C5AR1: variants seen among roughly 807,000 people sequenced by gnomAD.
C5AR1 encodes the protein complement C5a receptor 1.
A neutral mutation model predicts 2.4 loss-of-function variants in C5AR1; 4 were observed. The ratio of observed to expected loss-of-function variants is 1.65; its 90% CI spans 0.81 to 3.77. The LOEUF (loss-of-function observed/expected upper bound fraction) is 3.77, where lower values mean the gene tolerates loss of function less well. Ranked by LOEUF, C5AR1 falls within the 30% of genes most tolerant of loss-of-function variation. The pLI, the probability that C5AR1 is intolerant of heterozygous loss-of-function variation, is 0.01. For synonymous variants in C5AR1, 209 were observed against 210.4 expected (o/e 0.99, Z 0.06); for missense variants, 418 against 462.5 (o/e 0.90, Z 0.88).
chr19:47,316,928 A>G (rs2122136838), intron 1 of C5AR1, among the ~76,000 whole-genome samples: 1 of 152,028 alleles, frequency 6.6e-6, no homozygotes, highest in South Asian at 2.1e-4. Flanking sequence ...CTGTAATCTC[A>G]GCACTTTGGG....
chr19:47,309,125 G>A (rs528901244), upstream of C5AR1, among the ~76,000 whole-genome samples: 6 of 152,226 alleles, frequency 3.9e-5, no homozygotes, highest in East Asian at 1.9e-4. Flanking sequence ...GGCTACCTCC[G>A]CAGACTAGCT....
intron 1 of C5AR1, among the ~76,000 whole-genome samples, chr19:47,311,669 A>G (rs965075450): frequency 1.1e-4 from 17 of 152,012 alleles, no homozygotes. Flanking sequence ...GCTTCAAGCA[A>G]TTCTCCTGCC....
At chr19:47,319,465 C>T (rs1475681835) in intron 1 of C5AR1, among the ~76,000 whole-genome samples, 1 of 151,750 alleles carries the variant, frequency 6.6e-6, no homozygotes, top group African/African-American at 2.4e-5. Context: ...AGTGCAACCA[C>T]GCCTGGCTAA....
At position 47,321,758 on chromosome 19, in the gene C5AR1, C is replaced by T. The variant is rs2059311662; in HGVS notation, c.*928C>T. The T allele has an allele frequency of 6.6e-6, 1 of 152,136 alleles. No individual in the cohort carries two copies. The highest frequency in any genetic ancestry group is 1.9e-4 in the East Asian group (1 of 5,202). 9.4% of individuals were successfully genotyped at this position (152,136 alleles called of 1,614,324 possible). On this transcript the variant is annotated 3_prime_UTR_variant, in exon 2 of 2. Coordinates refer to ENST00000355085, the MANE Select transcript of C5AR1 (RefSeq NM_001736.4). ...ACAGAGGGATCTTGTGTACCCTTCA[C>T]CCAGCCTCCCCCAATGGCAACATCT...
At chr19:47,309,589 AAATG>A (rs1418215046), upstream of C5AR1, among the ~76,000 whole-genome samples, 4 of 151,562 alleles carry the variant, frequency 2.6e-5, no homozygotes, top group Non-Finnish European at 4.4e-5. Context: ...AAAAAAAAAA[AAATG>A]AGAGAGAAGA....
upstream of C5AR1, among the ~76,000 whole-genome samples, chr19:47,308,542 T>C (rs1287837503): frequency 1.3e-5 from 2 of 151,776 alleles, no homozygotes; most frequent in African/African-American, 4.8e-5. Context: ...TTTTCTTTTC[T>C]TTTCTTTTTC....
chr19:47,312,567 GTACTC>G (rs1345061741), intron 1 of C5AR1, among the ~76,000 whole-genome samples: 1 of 152,186 alleles, frequency 6.6e-6, no homozygotes, highest in Non-Finnish European at 1.5e-5. Flanking sequence ...GTTTTGTACA[GTACTC>G]TACATCTGGC....
rs2059302195 is a variant in C5AR1 at position 47,319,809 on chromosome 19, A to G, written c.32A>G (p.Tyr11Cys). The G allele has an allele frequency of 3.1e-6, 5 of 1,612,522 alleles. No homozygotes were observed. Among genetic ancestry groups the G allele is most frequent in the East Asian group, 2.2e-5 (1 of 44,864 alleles). Residue 11 changes from tyrosine (Y) to cysteine (C), a missense_variant, in exon 2 of 2, where the codon TAT (tyrosine) becomes TGT (cysteine). Transcript: ENST00000355085. MDSFNYTTPDYGHYDDKDTLD... is the reference protein window; with the variant it reads MDSFNYTTPDCGHYDDKDTLD... Reference sequence around the variant, plus strand: ...TCCTTCAATTATACCACCCCTGATTATGGGCACTATGATGACAAGGATACC... The same window carrying G: ...TCCTTCAATTATACCACCCCTGATTGTGGGCACTATGATGACAAGGATACC...
chr19:47,312,966 A>C (rs558519917), intron 1 of C5AR1, among the ~76,000 whole-genome samples: 1 of 152,020 alleles, frequency 6.6e-6, no homozygotes, highest in Admixed American at 6.6e-5. Flanking sequence ...GTTTGCTTCT[A>C]ATATTTGGTC....
At chr19:47,317,979 CAA>C (rs35762293) in intron 1 of C5AR1, among the ~76,000 whole-genome samples, 6,414 of 134,204 alleles carry the variant, frequency 0.048, 141 homozygotes, top group Middle Eastern at 0.068. Flanking sequence ...GACTCCATCT[CAA>C]AAAAAAAAAA....
At position 47,319,888 on chromosome 19, in the gene C5AR1, C is replaced by T; in HGVS notation, c.111C>T (p.Asp37=). 1.2e-6 allele frequency: 2 copies of T among 1,614,240 alleles called. No homozygotes were observed. The highest frequency in any genetic ancestry group is 8.5e-7 in the Non-Finnish European group (1 of 1,180,028). Reference sequence around the variant, plus strand: ...CTTCTAACACGCTGCGTGTTCCAGACATCCTGGCCTTGGTCATCTTTGCAG... The same window carrying T: ...CTTCTAACACGCTGCGTGTTCCAGATATCCTGGCCTTGGTCATCTTTGCAG... ...DKTSNTLRVP[D]ILALVIFAVV... Residue 37 remains aspartate, a synonymous_variant, in exon 2 of 2, where the codon GAC becomes GAT. Transcript: ENST00000355085.
rs200034251 is a variant in C5AR1, at chr19:47,320,336, T to G, written c.559T>G (p.Leu187Val). The change falls in exon 2 of 2, where the codon TTG becomes GTG. Residue 187 changes from leucine (L) to valine (V), a missense_variant. Physicochemically the swap from Leu to Val is conservative, Grantham distance 32. Coordinates refer to ENST00000355085, the MANE Select transcript of C5AR1 (RefSeq NM_001736.4). The surrounding 1 kb of genome is among the most constrained non-coding windows in gnomAD (Gnocchi z 4.9). The part of the protein sequence containing the change: ...VREEYFPPKV[L>V]CGVDYSHDKR... ...GGAGGAGTACTTTCCACCAAAGGTG[T>G]TGTGTGGCGTGGACTACAGCCACGA... 849 of 1,609,896 alleles carry G rather than the reference T, an allele frequency of 5.3e-4. No individual in the cohort carries two copies. Among genetic ancestry groups the G allele is most frequent in the Non-Finnish European group, 6.5e-4 (768 of 1,179,984 alleles).
At position 47,320,922 on chromosome 19, in the gene C5AR1, T is replaced by G; in HGVS notation, c.*92T>G. 7.2e-6 allele frequency: 8 copies of G among 1,110,800 alleles called. 1 individual carries two copies. The South Asian group carries it at 1.2e-4, about 17-fold the overall frequency. The allele number at this position is 1,110,800 out of a possible 1,614,324, so 68.8% of individuals were successfully genotyped here. ...TCACTTCACTTTTCGTGGGATGGTG[T>G]TACCTTAGCTAACTAACTCTCCTCC... On this transcript the variant is annotated 3_prime_UTR_variant, in exon 2 of 2. Coordinates refer to ENST00000355085, the MANE Select transcript of C5AR1 (RefSeq NM_001736.4). This position sits in a 1 kb window ranked among gnomAD's most constrained non-coding sequence, Gnocchi z 4.9.
intron 1 of C5AR1, among the ~76,000 whole-genome samples, chr19:47,315,036 A>C (rs533583627): frequency 6.6e-6 from 1 of 151,708 alleles, no homozygotes; most frequent in Non-Finnish European, 1.5e-5. Context: ...TTATATAAAC[A>C]TTCTTTTTGT....
At chr19:47,311,957 C>A (rs1459570667) in intron 1 of C5AR1, among the ~76,000 whole-genome samples, 1 of 152,174 alleles carries the variant, frequency 6.6e-6, no homozygotes, top group Admixed American at 6.6e-5. Flanking sequence ...TTTACAGATG[C>A]CTGAGAGCAC....
intron 1 of C5AR1, among the ~76,000 whole-genome samples, chr19:47,314,549 C>T (rs1408797865): frequency 6.6e-6 from 1 of 152,058 alleles, no homozygotes; most frequent in Non-Finnish European, 1.5e-5. Flanking sequence ...AGGCGCACGC[C>T]ACCACTCCTG....
At chr19:47,308,463 C>G (rs1223182646), upstream of C5AR1, among the ~76,000 whole-genome samples, 1 of 151,926 alleles carries the variant, frequency 6.6e-6, no homozygotes, top group Non-Finnish European at 1.5e-5. Context: ...ATGGTTGTGG[C>G]TTGTGTAGTT....
chr19:47,309,449 C>T (rs889928692), upstream of C5AR1, among the ~76,000 whole-genome samples: 2 of 151,710 alleles, frequency 1.3e-5, no homozygotes, highest in African/African-American at 2.4e-5. Flanking sequence ...GTGACACACA[C>T]GTGTAATCCC....
upstream of C5AR1, among the ~76,000 whole-genome samples, chr19:47,309,572 C>CAAAAAAA (rs35475766): frequency 1.0e-5 from 1 of 96,920 alleles, no homozygotes; most frequent in Non-Finnish European, 2.1e-5. Context: ...AAGACTCTAT[C>CAAAAAAA]AAAAAAAAAA....
Sources: gnomAD v4.1 joint callset for allele counts (sites outside exome capture counted in the v4.1 genomes callset) on GRCh38, gnomAD v4.1.1 for gene constraint, Gnocchi (gnomAD v3.1) non-coding constraint, MANE v1.5 for transcripts, NCBI Gene and HGNC (gene_info 2026-07-23, HGNC 2026-07-21) for gene names.